The following NACC2 variants were observed in gnomAD, a reference collection of about 807,000 sequenced individuals.
The protein encoded by NACC2 is nucleus accumbens-associated protein 2.
Under a neutral mutation model 25.1 loss-of-function variants are expected in NACC2, and 8 were observed. That is an observed-to-expected ratio of 0.32 (90% CI 0.19 to 0.57). The LOEUF (loss-of-function observed/expected upper bound fraction) is 0.57. Ranked by LOEUF, NACC2 falls within the 20% of genes least tolerant of loss-of-function variation. The pLI is 0.89. For synonymous variants in NACC2, 435 were observed against 294.7 expected (o/e 1.48, Z -4.88); for missense variants, 644 against 650.2 (o/e 0.99, Z 0.10).
Position 136,079,056 on chromosome 9 carries a change from TTC to T in NACC2, c.-60+16131_-60+16132del, listed in dbSNP as rs1166443523. The stretch of plus-strand genomic sequence containing the variant: ...TTAATTTGACTTCAATCATAGCTTC[TTC>T]TTTTTTTTTTTTTTAAGTGCACACG... On this transcript the variant is annotated intron_variant, in intron 1 of 5. Transcript: ENST00000277554. Among the ~76,000 whole-genome samples, 212 of 101,084 alleles carry T rather than the reference TTC, an allele frequency of 2.1e-3. 1 individual carries two copies. Among genetic ancestry groups the T allele is most frequent in the Admixed American group, 4.0e-3 (44 of 10,994 alleles). 66.3% of individuals were successfully genotyped at this position (101,084 alleles called of 152,430 possible). A position where few individuals can be genotyped will look rare whatever the true frequency, so the allele number is the denominator to read the frequency against.
At chr9:136,034,656 T>TAA (rs537229760) in intron 2 of NACC2, among the ~76,000 whole-genome samples, 19 of 138,012 alleles carry the variant, frequency 1.4e-4, no homozygotes, top group African/African-American at 4.9e-4. Flanking sequence ...GAAAATGCTT[T>TAA]AAAAAAAAAA....
intron 1 of NACC2, among the ~76,000 whole-genome samples, chr9:136,076,577 G>A (rs749334664): frequency 2.6e-5 from 4 of 152,128 alleles, no homozygotes; most frequent in Non-Finnish European, 5.9e-5. Flanking sequence ...GTGCAGTTTC[G>A]GTCAGGGATG....
At chr9:136,064,534 T>C (rs182815589) in intron 1 of NACC2, among the ~76,000 whole-genome samples, 1 of 152,326 alleles carries the variant, frequency 6.6e-6, no homozygotes, top group East Asian at 1.9e-4. Flanking sequence ...CTTCAAAATT[T>C]TGTTGAAAGA....
intron 3 of NACC2, 41 bp from the exon 4 acceptor site, chr9:136,014,010 G>A: frequency 2.0e-6 from 3 of 1,513,246 alleles, no homozygotes; most frequent in African/African-American, 1.4e-5. Flanking sequence ...GGCCTTCCCG[G>A]GCCATAGGGT....
intron 2 of NACC2, among the ~76,000 whole-genome samples, chr9:136,030,798 A>T (rs1840461941): frequency 6.6e-6 from 1 of 151,676 alleles, no homozygotes; most frequent in Non-Finnish European, 1.5e-5. Flanking sequence ...AGTAGCTGGG[A>T]CCTCAGGCAC....
intron 1 of NACC2, among the ~76,000 whole-genome samples, chr9:136,087,244 C>A (rs907477831): frequency 2.0e-5 from 3 of 152,206 alleles, no homozygotes; most frequent in Non-Finnish European, 4.4e-5. Context: ...GTGTCAACTC[C>A]GGGCCTGCAG....
intron 1 of NACC2, among the ~76,000 whole-genome samples, chr9:136,087,605 G>C: frequency 6.6e-6 from 1 of 152,224 alleles, no homozygotes; most frequent in East Asian, 1.9e-4. Flanking sequence ...GCTGGCCCTA[G>C]ACCTTCCTGG....
intron 1 of NACC2, among the ~76,000 whole-genome samples, chr9:136,089,282 G>T (rs1464897217): frequency 6.6e-6 from 1 of 152,112 alleles, no homozygotes; most frequent in Non-Finnish European, 1.5e-5. Context: ...GGCCTCAAAG[G>T]AGGACCCACG....
At position 136,086,426 on chromosome 9, in the gene NACC2, C is replaced by T. The variant is rs1049004922; in HGVS notation, c.-60+8763G>A. On this transcript the variant is annotated intron_variant, in intron 1 of 5. Transcript: ENST00000277554. This position sits in a 1 kb window ranked among gnomAD's most constrained non-coding sequence, Gnocchi z 5.6. ...CTGGTCTGGATGGCACCGGGCCTGG[C>T]TCTTGAGGTCCCAGGTCTGCGAGCG... Among the ~76,000 whole-genome samples, 1 of 152,142 alleles carries T rather than the reference C, an allele frequency of 6.6e-6. No homozygotes were observed. Among genetic ancestry groups the T allele is most frequent in the African/African-American group, 2.4e-5 (1 of 41,436 alleles).
intron 2 of NACC2, among the ~76,000 whole-genome samples, chr9:136,036,084 T>TA (rs1840547916): frequency 6.6e-6 from 1 of 152,206 alleles, no homozygotes; most frequent in South Asian, 2.1e-4. Flanking sequence ...AGAAGCTACT[T>TA]ACGTGTCTGA....
chr9:136,030,752 C>G (rs1250544425), intron 2 of NACC2, among the ~76,000 whole-genome samples: 1 of 152,166 alleles, frequency 6.6e-6, no homozygotes, highest in Non-Finnish European at 1.5e-5. Context: ...ACCTGCGCCT[C>G]CCAGGTTCAA....
At position 136,010,886 on chromosome 9, in the gene NACC2, CG is replaced by C. The variant is rs1840094679; in HGVS notation, c.*629del. ...GAGTAAAGTACCCTTTTCTCCACCCCGAGGGGTGGGCCACAGCCATCACTGC... is the reference window on the plus strand; with the variant it reads ...GAGTAAAGTACCCTTTTCTCCACCCCAGGGGTGGGCCACAGCCATCACTGC... On this transcript the variant is annotated 3_prime_UTR_variant, in exon 6 of 6. Coordinates refer to ENST00000277554, the MANE Select transcript of NACC2 (RefSeq NM_144653.5). The surrounding 1 kb of genome is among the most constrained non-coding windows in gnomAD (Gnocchi z 4.9). The C allele has an allele frequency of 6.6e-6, 1 of 152,212 alleles. No homozygotes were observed. Among genetic ancestry groups the C allele is most frequent in the African/African-American group, 2.4e-5 (1 of 41,410 alleles). The allele number at this position is 152,212 out of a possible 1,614,324, so 9.4% of individuals were successfully genotyped here.
intron 1 of NACC2, among the ~76,000 whole-genome samples, chr9:136,082,825 C>T (rs1312046529): frequency 1.3e-5 from 2 of 152,200 alleles, no homozygotes; most frequent in Non-Finnish European, 1.5e-5. Flanking sequence ...GTTGACTGCC[C>T]TCCCTCTCCC....
At chr9:136,074,672 T>C (rs1830240113) in intron 1 of NACC2, among the ~76,000 whole-genome samples, 1 of 151,856 alleles carries the variant, frequency 6.6e-6, no homozygotes, top group Non-Finnish European at 1.5e-5. Flanking sequence ...ATTGACTCAA[T>C]ACTGACCGTG....
At position 136,016,324 on chromosome 9, in the gene NACC2, C is replaced by T. The variant is rs771765166; in HGVS notation, c.992G>A (p.Arg331His). ...PASLISQIGY[R>H]CHPKLYSEGD... ...TTCCGAGTAGAGCTTGGGATGGCAGCGGTATCCGATCTGGCTGATGAGGCT... is the reference window on the plus strand; with the variant it reads ...TTCCGAGTAGAGCTTGGGATGGCAGTGGTATCCGATCTGGCTGATGAGGCT... The change falls in exon 3 of 6, where the codon CGC becomes CAC. Residue 331 changes from arginine (R) to histidine (H), a missense_variant. Coordinates refer to ENST00000277554, the MANE Select transcript of NACC2 (RefSeq NM_144653.5). 5 of 1,612,662 alleles carry T rather than the reference C, an allele frequency of 3.1e-6. No individual in the cohort carries two copies. Among genetic ancestry groups the T allele is most frequent in the South Asian group, 1.1e-5 (1 of 91,050 alleles).
At chr9:136,069,744 A>C (rs1841128839) in intron 1 of NACC2, among the ~76,000 whole-genome samples, 1 of 151,894 alleles carries the variant, frequency 6.6e-6, no homozygotes. Context: ...GACGTGACAT[A>C]ATAATTAAAG....
chr9:136,016,513 C>T, intron 2 of NACC2, 84 bp from the exon 3 acceptor site: 1 of 1,541,870 alleles, frequency 6.5e-7, no homozygotes, highest in Middle Eastern at 2.3e-4. Context: ...TCCATGCTCC[C>T]TGGGGCCTGT....
chr9:136,074,094 C>A (rs1830229200), intron 1 of NACC2, among the ~76,000 whole-genome samples: 1 of 151,662 alleles, frequency 6.6e-6, no homozygotes, highest in Admixed American at 6.6e-5. Flanking sequence ...TCACTTGAGT[C>A]CAGGAGTGAG....
At chr9:136,091,337 A>G (rs538057218) in intron 1 of NACC2, among the ~76,000 whole-genome samples, 16 of 152,276 alleles carry the variant, frequency 1.1e-4, no homozygotes, top group African/African-American at 3.6e-4. Flanking sequence ...CGGGTTCCTC[A>G]CTCAAGGTCA....
Sources: gnomAD v4.1 joint callset for allele counts (sites outside exome capture counted in the v4.1 genomes callset) on GRCh38, gnomAD v4.1.1 for gene constraint, Gnocchi (gnomAD v3.1) non-coding constraint, MANE v1.5 for transcripts, NCBI Gene and HGNC (gene_info 2026-07-23, HGNC 2026-07-21) for gene names.